The following SLC4A4 variants were observed in gnomAD, a reference collection of about 807,000 sequenced individuals.
The protein encoded by SLC4A4 is solute carrier family 4 member 4.
Under a neutral mutation model 111.5 loss-of-function variants are expected in SLC4A4, and 27 were observed. The ratio of observed to expected loss-of-function variants is 0.24; its 90% CI spans 0.18 to 0.33. The LOEUF (loss-of-function observed/expected upper bound fraction) is 0.33. SLC4A4 is among the 10% of genes least tolerant of loss of function. The pLI, the probability that SLC4A4 is intolerant of heterozygous loss-of-function variation, is 1.00. For synonymous variants in SLC4A4, 443 were observed against 463.4 expected, an observed-to-expected ratio of 0.96 and a Z score of 0.57; for missense variants, 909 against 1,315.5, an observed-to-expected ratio of 0.69 and a Z score of 4.78.
chr4:71,406,943 C>T (rs1214816424), intron 7 of SLC4A4, among the ~76,000 whole-genome samples: 2 of 152,086 alleles, frequency 1.3e-5, no homozygotes, highest in Non-Finnish European at 2.9e-5. Context: ...ACAACTAATG[C>T]TTTGGGGTTG....
chr4:71,248,143 T>C (rs1192339111), intron 2 of SLC4A4, among the ~76,000 whole-genome samples: 1 of 152,138 alleles, frequency 6.6e-6, no homozygotes, highest in Non-Finnish European at 1.5e-5. Flanking sequence ...AGGTTGACTC[T>C]TTTGCCCTCC....
chr4:71,296,466 C>A (rs979781945), intron 3 of SLC4A4, among the ~76,000 whole-genome samples: 2 of 152,000 alleles, frequency 1.3e-5, no homozygotes, highest in African/African-American at 4.8e-5. Context: ...TTAAAAGAAA[C>A]GTGGAAAAAT....
At chr4:71,145,744 T>C (rs1335042181) in intron 2 of SLC4A4, among the ~76,000 whole-genome samples, 1 of 152,226 alleles carries the variant, frequency 6.6e-6, no homozygotes, top group Non-Finnish European at 1.5e-5. Context: ...TAGAGGTGTT[T>C]ATAGTATTCT....
chr4:71,369,182 C>T (rs956805143), intron 6 of SLC4A4, among the ~76,000 whole-genome samples: 8 of 151,950 alleles, frequency 5.3e-5, no homozygotes, highest in African/African-American at 1.7e-4. Context: ...TGGCGGTGGT[C>T]GGGAGAGGGA....
intron 12 of SLC4A4, 82 bp from the exon 13 acceptor site, chr4:71,466,362 G>T: frequency 6.7e-7 from 1 of 1,496,930 alleles, no homozygotes; most frequent in Non-Finnish European, 9.3e-7. Context: ...GTATATTCAC[G>T]TGGCTTTATT....
chr4:71,508,632 G>A (rs549009021), intron 16 of SLC4A4, among the ~76,000 whole-genome samples: 6 of 152,108 alleles, frequency 3.9e-5, no homozygotes, highest in South Asian at 2.1e-4. Flanking sequence ...CCAACAACCC[G>A]AAAAAGCCCA....
At chr4:71,506,702 C>T (rs1269303426) in intron 16 of SLC4A4, among the ~76,000 whole-genome samples, 1 of 152,122 alleles carries the variant, frequency 6.6e-6, no homozygotes, top group Non-Finnish European at 1.5e-5. Flanking sequence ...CTTCCCCAAC[C>T]TAGCTAGACA....
chr4:71,331,593 A>AG (rs1283830901), intron 3 of SLC4A4, among the ~76,000 whole-genome samples: 1 of 74,914 alleles, frequency 1.3e-5, no homozygotes, highest in Non-Finnish European at 2.7e-5. Context: ...GGGTTGGGGG[A>AG]GGGGGGAGGG....
At chr4:71,161,729 G>C (rs1744620843) in intron 2 of SLC4A4, among the ~76,000 whole-genome samples, 1 of 152,130 alleles carries the variant, frequency 6.6e-6, no homozygotes, top group Non-Finnish European at 1.5e-5. Context: ...GAGCCTGGCA[G>C]GTGATAAAAG....
chr4:71,064,971 T>G (rs1741480402), intron 1 of SLC4A4, among the ~76,000 whole-genome samples: 1 of 152,220 alleles, frequency 6.6e-6, no homozygotes, highest in South Asian at 2.1e-4. Context: ...TATTGCCTCC[T>G]CTTCTGCCAA....
At chr4:71,351,096 G>A (rs779315752) in intron 5 of SLC4A4, among the ~76,000 whole-genome samples, 3 of 152,212 alleles carry the variant, frequency 2.0e-5, no homozygotes, top group African/African-American at 7.2e-5. Flanking sequence ...AGCATGATGA[G>A]TTAGCATTCA....
chr4:71,250,578 T>C (rs1720995321), intron 2 of SLC4A4, among the ~76,000 whole-genome samples: 1 of 152,094 alleles, frequency 6.6e-6, no homozygotes, highest in Non-Finnish European at 1.5e-5. Context: ...ACTACCTTAT[T>C]CCAAAAAGCT....
chr4:71,507,013 GA>G (rs1332377635), intron 16 of SLC4A4, among the ~76,000 whole-genome samples: 1 of 152,078 alleles, frequency 6.6e-6, no homozygotes, highest in Non-Finnish European at 1.5e-5. Context: ...AAGCAAAGGA[GA>G]AATCAAATTA....
intron 3 of SLC4A4, among the ~76,000 whole-genome samples, chr4:71,298,808 T>A (rs1028374486): frequency 6.6e-6 from 1 of 152,166 alleles, no homozygotes; most frequent in African/African-American, 2.4e-5. Flanking sequence ...GAGTTGGGAT[T>A]TGGTTTTCAT....
intron 7 of SLC4A4, among the ~76,000 whole-genome samples, chr4:71,407,331 C>A (rs1478465438): frequency 1.3e-5 from 2 of 152,166 alleles, no homozygotes; most frequent in Non-Finnish European, 2.9e-5. Context: ...TGCTGATACT[C>A]TGGATGTCAT....
intron 15 of SLC4A4, among the ~76,000 whole-genome samples, chr4:71,491,869 T>C (rs62302847): frequency 0.58 from 87,907 of 151,456 alleles, 28,263 homozygotes; most frequent in Non-Finnish European, 0.74. Context: ...GGTTATACAT[T>C]CATTTTGCTT....
At chr4:71,504,717 T>A (rs1026398819) in intron 16 of SLC4A4, among the ~76,000 whole-genome samples, 12 of 151,990 alleles carry the variant, frequency 7.9e-5, no homozygotes, top group African/African-American at 1.4e-4. Context: ...GTATTTTTTT[T>A]AAATATCCAA....
intron 2 of SLC4A4, among the ~76,000 whole-genome samples, chr4:71,249,917 G>A (rs1361163684): frequency 6.6e-6 from 1 of 151,772 alleles, no homozygotes; most frequent in Non-Finnish European, 1.5e-5. Context: ...TATTATTAAA[G>A]TGTTTAGGAT....
At chr4:71,308,953 A>C (rs1725916886) in intron 3 of SLC4A4, among the ~76,000 whole-genome samples, 1 of 152,222 alleles carries the variant, frequency 6.6e-6, no homozygotes, top group Admixed American at 6.5e-5. Context: ...CTACTCCCAC[A>C]GAGCCCAGCA....
Sources: gnomAD v4.1 joint callset for allele counts (sites outside exome capture counted in the v4.1 genomes callset) on GRCh38, gnomAD v4.1.1 for gene constraint, MANE v1.5 for transcripts, NCBI Gene and HGNC (gene_info 2026-07-23, HGNC 2026-07-21) for gene names.